The following ASMT variants were observed in gnomAD, a reference collection of about 807,000 sequenced individuals.
ASMT encodes the protein acetylserotonin N-methyltransferase.
In ASMT, 53 loss-of-function variants were observed where a neutral mutation model predicts 41.3. The observed-to-expected ratio is 1.28, with a 90% CI of 1.03 to 1.61. The LOEUF is 1.61. ASMT is among the 40% of genes most tolerant of loss of function. The pLI, the probability that ASMT is intolerant of heterozygous loss-of-function variation, is 0.00. For synonymous variants in ASMT, 231 were observed against 184.8 expected (o/e 1.25, Z -2.03); for missense variants, 531 against 441.3 (o/e 1.20, Z -1.82).
chrX:1,629,933 C>G lies in ASMT; in HGVS notation c.556C>G (p.Leu186Val), dbSNP rs753991594. The change falls in exon 5 of 9, where the codon CTT becomes GTT. Residue 186 changes from leucine to valine, a missense_variant. Coordinates refer to ENST00000381241, the MANE Select transcript of ASMT (RefSeq NM_001171038.2). The stretch of plus-strand genomic sequence containing the variant: ...GTCAGTGTTCCCACTTATGTGTGAC[C>G]TTGGTGGTAAGTACCCCTCACCACT... ...DLSVFPLMCD[L>V]GGTWIKLETI... 1 of 1,613,650 alleles carries G rather than the reference C, an allele frequency of 6.2e-7. No individual in the cohort carries two copies. The highest frequency in any genetic ancestry group is 8.5e-7 in the Non-Finnish European group (1 of 1,179,612).
intron 5 of ASMT, among the ~76,000 whole-genome samples, chrX:1,631,795 A>G (rs1218786889): frequency 6.6e-6 from 1 of 152,076 alleles, no homozygotes; most frequent in African/African-American, 2.4e-5. Flanking sequence ...CATGCCTGTA[A>G]TCCCAGCACT....
chrX:1,627,633 C>CGAAATGAAACGAAAT (rs1934602317), intron 3 of ASMT, 70 bp from the exon 4 acceptor site: 17 of 1,199,432 alleles, frequency 1.4e-5, no homozygotes, highest in African/African-American at 6.1e-5. Flanking sequence ...CGAAATGAAA[C>CGAAATGAAACGAAAT]GAAATGAAAT....
chrX:1,624,627 A>C (rs866237007), intron 3 of ASMT, among the ~76,000 whole-genome samples: 3,235 of 77,684 alleles, frequency 0.042, 386 homozygotes, highest in Non-Finnish European at 0.06. Context: ...TGGTGGCTGC[A>C]CCCAGGCAGA....
chrX:1,619,280 G>A (rs1489678100), intron 1 of ASMT, among the ~76,000 whole-genome samples: 10 of 151,556 alleles, frequency 6.6e-5, no homozygotes, highest in African/African-American at 2.4e-4. Context: ...TGTAGTACCA[G>A]CTACTTGGGA....
Position 1,636,549 on chromosome X carries a change from C to G in ASMT, c.899C>G (p.Thr300Ser), listed in dbSNP as rs1426871433. Residue 300 changes from threonine (T) to serine (S), a missense_variant, in exon 8 of 9, where the codon ACT becomes AGT. Physicochemically the swap from Thr to Ser is moderately conservative, Grantham distance 58. Transcript: ENST00000381241. ...CSHLLERIYH[T>S]CKPGGGILVI... ...CACCTGCTGGAGAGGATCTACCACA[C>G]TTGCAAGCCAGGTAAGTTGTGGGGT... The G allele has an allele frequency of 2.5e-6, 4 of 1,611,774 alleles. No individual in the cohort carries two copies. The highest frequency in any genetic ancestry group is 2.2e-5 in the East Asian group (1 of 44,846).
intron 8 of ASMT, among the ~76,000 whole-genome samples, chrX:1,642,507 CTG>C (rs1192679938): frequency 1.4e-5 from 2 of 147,060 alleles, no homozygotes; most frequent in South Asian, 2.2e-4. Flanking sequence ...GGCACAGCCT[CTG>C]TGTGTGTGTG....
In ASMT at chrX:1,616,204, T is replaced by A. The variant is rs763125310; in HGVS notation, c.69+936T>A. Among the ~76,000 whole-genome samples the A allele has an allele frequency of 1.6e-3, 127 of 79,086 alleles. 2 individuals carry two copies. Among genetic ancestry groups the A allele is most frequent in the Non-Finnish European group, 3.5e-3 (113 of 31,972 alleles). 51.9% of individuals were successfully genotyped at this position (79,086 alleles called of 152,430 possible). ...CCACCACGCCCGGCTAATTTTTGTA[T>A]TTTTAGTAGAGATGGGGTTTCACCA... On this transcript the variant is annotated intron_variant, in intron 1 of 8. Transcript: ENST00000381241.
chrX:1,625,611 G>A (rs1934509666), intron 3 of ASMT, among the ~76,000 whole-genome samples: 1 of 141,266 alleles, frequency 7.1e-6, no homozygotes, highest in Non-Finnish European at 1.5e-5. Context: ...AGAAAGAGAA[G>A]GAAGGAAAGA....
intron 8 of ASMT, 34 bp from the exon 9 acceptor site, chrX:1,642,769 G>T (rs1740610624): frequency 2.5e-6 from 4 of 1,587,668 alleles, no homozygotes; most frequent in Non-Finnish European, 3.5e-6. Context: ...CTGTGTGTTT[G>T]TGTGTGATGT....
Position 1,637,201 on chromosome X carries a change from T to C in ASMT, c.910+641T>C, listed in dbSNP as rs865899068. Among the ~76,000 whole-genome samples, 93 of 39,240 alleles carry C rather than the reference T, an allele frequency of 2.4e-3. 4 individuals carry two copies. Among genetic ancestry groups the C allele is most frequent in the South Asian group, 0.012 (10 of 810 alleles). 25.7% of individuals were successfully genotyped at this position (39,240 alleles called of 152,430 possible). A position where few individuals can be genotyped will look rare whatever the true frequency, so the allele number is the denominator to read the frequency against. On this transcript the variant is annotated intron_variant, in intron 8 of 8. Coordinates refer to ENST00000381241, the MANE Select transcript of ASMT (RefSeq NM_001171038.2). ...GTGTCCCAGTGTCCTGTGAGGTCCATCCATCCTGATGGCACATGAGGATGT... is the reference window on the plus strand; with the variant it reads ...GTGTCCCAGTGTCCTGTGAGGTCCACCCATCCTGATGGCACATGAGGATGT...
At chrX:1,642,655 G>A (rs1467315230) in intron 8 of ASMT, 148 bp from the exon 9 acceptor site, 1 of 727,324 alleles carries the variant, frequency 1.4e-6, no homozygotes, top group African/African-American at 1.7e-5. Flanking sequence ...GATGATCGAT[G>A]AGGACGTGGG....
At chrX:1,631,968 G>C (rs1178549332) in intron 5 of ASMT, among the ~76,000 whole-genome samples, 1 of 152,162 alleles carries the variant, frequency 6.6e-6, no homozygotes, top group Admixed American at 6.5e-5. Context: ...AGAATCGCTT[G>C]TACCCGGGAA....
At position 1,623,659 on chromosome X, in the gene ASMT, C is replaced by T. The variant is rs184219367; in HGVS notation, c.244+346C>T. On this transcript the variant is annotated intron_variant, in intron 2 of 8. Coordinates refer to ENST00000381241, the MANE Select transcript of ASMT (RefSeq NM_001171038.2). ...CAGCTACCGACCTCTGCCCTGGGGA[C>T]GTCAAAGCTGCCAGAGTGTGAGACC... Among the ~76,000 whole-genome samples the T allele has an allele frequency of 5.2e-3, 794 of 152,176 alleles. 6 individuals are homozygous for T. Among genetic ancestry groups the T allele is most frequent in the African/African-American group, 0.018 (765 of 41,524 alleles).
At chrX:1,616,600 G>C (rs1299953102) in intron 1 of ASMT, among the ~76,000 whole-genome samples, 1 of 151,454 alleles carries the variant, frequency 6.6e-6, no homozygotes, top group Non-Finnish European at 1.5e-5. Flanking sequence ...GCCGGGCTCA[G>C]CGGTGACACC....
At chrX:1,616,964 T>C (rs1379813784) in intron 1 of ASMT, among the ~76,000 whole-genome samples, 1 of 151,932 alleles carries the variant, frequency 6.6e-6, no homozygotes, top group South Asian at 2.1e-4. Flanking sequence ...CGCCTCGGCC[T>C]CCCAAAGTGC....
At position 1,633,263 on chromosome X, in the gene ASMT, G is replaced by T. The variant is rs1188269178; in HGVS notation, c.760G>T (p.Glu254Ter). The T allele has an allele frequency of 1.2e-6, 2 of 1,613,788 alleles. No homozygotes were observed. Among genetic ancestry groups the T allele is most frequent in the African/African-American group, 2.7e-5 (2 of 74,918 alleles). ...GGCAAAGCAGCACTTCTCATTCCAG[G>T]AGGAAGAACAGATTGACTTCCAGGA... Reference protein sequence around the residue: ...WTAKQHFSFQEEEQIDFQEGD... With the variant: ...WTAKQHFSFQ The change falls in exon 7 of 9, where the codon GAG becomes TAG. Residue 254 changes from glutamate (E) to a stop codon, truncating the protein, a stop_gained. Coordinates refer to ENST00000381241, the MANE Select transcript of ASMT (RefSeq NM_001171038.2). LOFTEE classifies it high-confidence loss of function.
At chrX:1,635,367 G>A (rs1934922717) in intron 7 of ASMT, among the ~76,000 whole-genome samples, 1 of 152,024 alleles carries the variant, frequency 6.6e-6, no homozygotes, top group East Asian at 1.9e-4. Flanking sequence ...ACTATGACAA[G>A]ACTTGAGCGT....
At position 1,615,087 on chromosome X, in the gene ASMT, A is replaced by T; in HGVS notation, c.-113A>T. ...TGAGTACTGGGCAGGCAGCAGGGAGAGTCAGGCAGCAGCTGTGAGCGGGTG... is the reference window on the plus strand; with the variant it reads ...TGAGTACTGGGCAGGCAGCAGGGAGTGTCAGGCAGCAGCTGTGAGCGGGTG... On this transcript the variant is annotated 5_prime_UTR_variant, in exon 1 of 9. Coordinates refer to ENST00000381241, the MANE Select transcript of ASMT (RefSeq NM_001171038.2). The T allele has an allele frequency of 1.2e-6, 1 of 847,494 alleles. No individual in the cohort carries two copies. The highest frequency in any genetic ancestry group is 2.0e-6 in the Non-Finnish European group (1 of 503,658). 52.5% of individuals were successfully genotyped at this position (847,494 alleles called of 1,614,324 possible). A position where few individuals can be genotyped will look rare whatever the true frequency, so the allele number is the denominator to read the frequency against.
chrX:1,629,097 T>C (rs1934673562), intron 4 of ASMT, among the ~76,000 whole-genome samples: 1 of 150,564 alleles, frequency 6.6e-6, no homozygotes, highest in African/African-American at 2.5e-5. Flanking sequence ...TATATATATA[T>C]GTGTGTATAC....
Sources: allele counts gnomAD v4.1 joint callset (sites outside exome capture counted in the v4.1 genomes callset), GRCh38; gene constraint gnomAD v4.1.1; transcripts MANE v1.5; gene names NCBI Gene and HGNC (gene_info 2026-07-23, HGNC 2026-07-21).